Variants in THUMPD2 observed in about 807,000 individuals in gnomAD.
THUMPD2 encodes the protein THUMP domain 2 tRNA and snRNA guanosine methyltransferase.
Under a neutral mutation model 49.4 loss-of-function variants are expected in THUMPD2, and 56 were observed. The ratio of observed to expected loss-of-function variants is 1.13; its 90% CI spans 0.91 to 1.41. The LOEUF is 1.41. Among genes scored for constraint, THUMPD2 ranks in the 40% most tolerant of loss-of-function variants. THUMPD2 has a pLI of 0.00. For missense variants in THUMPD2, 709 were observed against 594.5 expected, an observed-to-expected ratio of 1.19 and a Z score of -2.00; for synonymous variants, 237 against 205.2, an observed-to-expected ratio of 1.15 and a Z score of -1.32.
intron 8 of THUMPD2, among the ~76,000 whole-genome samples, chr2:39,745,306 A>C (rs2148195225): frequency 6.6e-6 from 1 of 152,336 alleles, no homozygotes; most frequent in Admixed American, 6.5e-5. Flanking sequence ...AGCAACAAAA[A>C]GTGCTTTGTA....
chr2:39,744,296 C>T, intron 9 of THUMPD2, 74 bp downstream of exon 9: 1 of 796,824 alleles, frequency 1.3e-6, no homozygotes, highest in Middle Eastern at 2.3e-4. Flanking sequence ...CAGACCTTAA[C>T]TGAAGAGCTA....
At chr2:39,740,818 T>C (rs1449119090) in intron 9 of THUMPD2, among the ~76,000 whole-genome samples, 1 of 152,082 alleles carries the variant, frequency 6.6e-6, no homozygotes, top group Admixed American at 6.6e-5. Context: ...GCGATCCTCC[T>C]ACTTTAGCCT....
chr2:39,740,588 A>G (rs1291354756), intron 9 of THUMPD2, among the ~76,000 whole-genome samples: 6 of 152,212 alleles, frequency 3.9e-5, no homozygotes, highest in Non-Finnish European at 5.9e-5. Context: ...GCATCTTTCC[A>G]TGATCATACG....
In THUMPD2 at chr2:39,769,868, G is replaced by A. The variant is rs1313679392; in HGVS notation, c.514C>T (p.Leu172=). 2.4e-5 allele frequency: 38 copies of A among 1,603,584 alleles called. No individual in the cohort carries two copies. The highest frequency in any genetic ancestry group is 3.2e-5 in the Non-Finnish European group (38 of 1,177,270). Residue 172 remains leucine, a synonymous_variant, in exon 3 of 10, where the codon CTG becomes TTG. Coordinates refer to ENST00000505747, the MANE Select transcript of THUMPD2 (RefSeq NM_025264.5). ...TTAGTGGTAAAATCTCTTTGCTCCA[G>A]AGTTTCTTCTTTTATTTGTTTTTCC... is the stretch of plus-strand genomic sequence containing the variant. ...QLEKQIKEET[L]EQRDFTTKSE...
At chr2:39,746,518 A>G (rs1674618785) in intron 8 of THUMPD2, among the ~76,000 whole-genome samples, 1 of 152,226 alleles carries the variant, frequency 6.6e-6, no homozygotes. Flanking sequence ...TGCTTTAAAT[A>G]CTGCTTGTGA....
chr2:39,769,094 C>A, intron 3 of THUMPD2: 3 of 1,304,036 alleles, frequency 2.3e-6, no homozygotes, highest in Non-Finnish European at 3.0e-6. Context: ...TGTACAGGAC[C>A]TGTGCAGAGT....
chr2:39,745,262 C>G (rs578034544), intron 8 of THUMPD2, among the ~76,000 whole-genome samples: 1 of 152,118 alleles, frequency 6.6e-6, no homozygotes, highest in Non-Finnish European at 1.5e-5. Flanking sequence ...ATAATCTTCA[C>G]TAAATATCAA....
chr2:39,753,330 T>G (rs1410815161), intron 8 of THUMPD2, among the ~76,000 whole-genome samples: 1 of 152,150 alleles, frequency 6.6e-6, no homozygotes, highest in African/African-American at 2.4e-5. Flanking sequence ...AGCTGATCTA[T>G]CTTTCTTCCC....
At chr2:39,777,345 C>G (rs1347723997) in intron 1 of THUMPD2, among the ~76,000 whole-genome samples, 1 of 152,234 alleles carries the variant, frequency 6.6e-6, no homozygotes, top group Admixed American at 6.5e-5. Context: ...CGTACTCTAC[C>G]GTGGTGTTAC....
chr2:39,755,707 G>C (rs1004923256), intron 7 of THUMPD2, among the ~76,000 whole-genome samples, 182 bp downstream of exon 7: 2 of 151,978 alleles, frequency 1.3e-5, no homozygotes, highest in Non-Finnish European at 1.5e-5. Flanking sequence ...ATTTATCATA[G>C]TATTTAAAGA....
chr2:39,745,420 A>C (rs1674445052), intron 8 of THUMPD2, among the ~76,000 whole-genome samples: 2 of 152,210 alleles, frequency 1.3e-5, no homozygotes, highest in Non-Finnish European at 2.9e-5. Context: ...GAAGGATAAT[A>C]TTCTTTTAAG....
chr2:39,754,281 GCA>G (rs1675810582), intron 8 of THUMPD2, among the ~76,000 whole-genome samples: 1 of 152,136 alleles, frequency 6.6e-6, no homozygotes. Flanking sequence ...TGTGTCTCCT[GCA>G]CAGAGTCCTA....
In THUMPD2 at chr2:39,779,229, G is replaced by T. The variant is rs1277333570; in HGVS notation, c.11C>A (p.Ala4Glu). The change falls in exon 1 of 10, where the codon GCG becomes GAG. Residue 4 changes from alanine (A) to glutamate (E), a missense_variant. Physicochemically the swap from Ala to Glu is moderately radical, Grantham distance 107 (BLOSUM62 -1). Coordinates refer to ENST00000505747, the MANE Select transcript of THUMPD2 (RefSeq NM_025264.5). Reference protein sequence around the residue: MSEARGEPGSGPEA... With the variant: MSEERGEPGSGPEA... ...AGGCCCGGACCCTGGCTCTCCACGC[G>T]CCTCCGACATGGCGGCTCAGGCGCG... 2 of 1,495,054 alleles carry T rather than the reference G, an allele frequency of 1.3e-6. No homozygotes were observed. The highest frequency in any genetic ancestry group is 2.8e-5 in the East Asian group (1 of 35,402). 92.6% of individuals were successfully genotyped at this position (1,495,054 alleles called of 1,614,324 possible). A position where few individuals can be genotyped will look rare whatever the true frequency, so the allele number is the denominator to read the frequency against.
At chr2:39,740,135 T>A (rs531152386) in intron 9 of THUMPD2, among the ~76,000 whole-genome samples, 12 of 152,344 alleles carry the variant, frequency 7.9e-5, no homozygotes, top group African/African-American at 2.6e-4. Flanking sequence ...ATTTTGCAGA[T>A]GAAGAAACTG....
chr2:39,765,607 A>G (rs533964833), intron 5 of THUMPD2, among the ~76,000 whole-genome samples: 48 of 152,150 alleles, frequency 3.2e-4, no homozygotes, highest in Non-Finnish European at 5.7e-4. Flanking sequence ...GTGATCATCA[A>G]TAATTATACT....
intron 8 of THUMPD2, among the ~76,000 whole-genome samples, chr2:39,745,716 T>C (rs1047500061): frequency 1.9e-4 from 29 of 152,224 alleles, no homozygotes; most frequent in African/African-American, 7.0e-4. Flanking sequence ...TGGGTCTCCA[T>C]TTTTATTGGG....
At chr2:39,751,108 A>G (rs1252673483) in intron 8 of THUMPD2, among the ~76,000 whole-genome samples, 2 of 152,202 alleles carry the variant, frequency 1.3e-5, no homozygotes, top group African/African-American at 4.8e-5. Context: ...CACTTTCCAC[A>G]TTTCCCTCTG....
intron 6 of THUMPD2, among the ~76,000 whole-genome samples, chr2:39,758,023 CATT>C (rs1315225798): frequency 6.6e-6 from 1 of 152,132 alleles, no homozygotes; most frequent in African/African-American, 2.4e-5. Context: ...TTTGGAGAGA[CATT>C]TCTTACTTTT....
chr2:39,764,009 C>T (rs1311209097), intron 5 of THUMPD2, among the ~76,000 whole-genome samples: 2 of 152,218 alleles, frequency 1.3e-5, no homozygotes, highest in African/African-American at 4.8e-5. Flanking sequence ...ATACCTTGTG[C>T]CTTTGCACAG....
Sources: gnomAD v4.1 joint callset for allele counts (sites outside exome capture counted in the v4.1 genomes callset) on GRCh38, gnomAD v4.1.1 for gene constraint, MANE v1.5 for transcripts, NCBI Gene and HGNC (gene_info 2026-07-23, HGNC 2026-07-21) for gene names.